Variants in ZNF782 observed in about 807,000 individuals in gnomAD.
The protein encoded by ZNF782 is zinc finger protein 782.
In ZNF782, 12 loss-of-function variants were observed where a neutral mutation model predicts 13.0. That is an observed-to-expected ratio of 0.92 (90% CI 0.59 to 1.50). The LOEUF (loss-of-function observed/expected upper bound fraction) is 1.50. Ranked by LOEUF, ZNF782 falls within the 40% of genes most tolerant of loss-of-function variation. The pLI is 0.00. For synonymous variants in ZNF782, 284 were observed against 283.0 expected, an observed-to-expected ratio of 1.00 and a Z score of -0.04; for missense variants, 770 against 822.9, an observed-to-expected ratio of 0.94 and a Z score of 0.79.
At chr9:96,859,350 G>A (rs1219656291), upstream of ZNF782, among the ~76,000 whole-genome samples, 4 of 152,060 alleles carry the variant, frequency 2.6e-5, no homozygotes, top group South Asian at 2.1e-4. Flanking sequence ...AGTGCAGCTC[G>A]CAGCTCTGAC....
chr9:96,928,718 C>T, the ZNF782 span: 1 of 423,244 alleles, frequency 2.4e-6, no homozygotes, highest in Non-Finnish European at 3.9e-6. Flanking sequence ...GAGGCGCACA[C>T]TGTCTGTGTT....
At chr9:96,930,871 GGTTTTTTTTTTTTTTT>G in the ZNF782 span, among the ~76,000 whole-genome samples, 1 of 104,404 alleles carries the variant, frequency 9.6e-6, no homozygotes, top group African/African-American at 3.7e-5. Context: ...TCCATCCAGT[GGTTTTTTTTTTTTTTT>G]TTTTTTTTTT....
the ZNF782 span, chr9:96,892,632 C>T: frequency 6.6e-6 from 1 of 152,220 alleles, no homozygotes; most frequent in Non-Finnish European, 1.5e-5. Flanking sequence ...TCTTCCTCCT[C>T]CTCCTTCTCC....
At chr9:96,933,182 G>T in the ZNF782 span, among the ~76,000 whole-genome samples, 67 of 149,848 alleles carry the variant, frequency 4.5e-4, no homozygotes, top group Non-Finnish European at 7.3e-4. Flanking sequence ...GTTTCACCAT[G>T]TTAGCCAGGA....
intron 4 of ZNF782, among the ~76,000 whole-genome samples, chr9:96,839,278 T>G (rs966978441): frequency 3.0e-5 from 3 of 100,928 alleles, no homozygotes; most frequent in Non-Finnish European, 5.0e-5. Context: ...TACTTGGGAC[T>G]TTTTTTTTTT....
In ZNF782 at chr9:96,841,359, T is replaced by C. The variant is rs74306495; in HGVS notation, c.142+3531A>G. Among the ~76,000 whole-genome samples the C allele has an allele frequency of 9.3e-3, 1,410 of 151,922 alleles. 52 individuals carry two copies. The East Asian group carries it at 0.1, about 11-fold the overall frequency. On this transcript the variant is annotated intron_variant, in intron 4 of 5. Transcript: ENST00000481138. ...CTTCTATACAACCTCTTCCAGAAAA[T>C]TGGAAGGAACACTTTCCAACTAATT...
chr9:96,820,898 T>C (rs999467109), intron 5 of ZNF782, among the ~76,000 whole-genome samples: 7 of 152,194 alleles, frequency 4.6e-5, no homozygotes, highest in African/African-American at 1.7e-4. Flanking sequence ...GTCTTTTCAG[T>C]TTGCTCACTC....
the ZNF782 span, among the ~76,000 whole-genome samples, chr9:96,905,817 C>A: frequency 2.0e-5 from 3 of 152,252 alleles, no homozygotes; most frequent in Admixed American, 6.5e-5. Context: ...AACTCCTGAC[C>A]TCATGATCCA....
the ZNF782 span, among the ~76,000 whole-genome samples, chr9:96,916,670 C>T: frequency 3.3e-5 from 5 of 152,102 alleles, no homozygotes; most frequent in East Asian, 1.9e-4. Flanking sequence ...TAGATGCCTG[C>T]GGTGTGCAGC....
chr9:96,907,802 G>A, the ZNF782 span, among the ~76,000 whole-genome samples: 7 of 151,824 alleles, frequency 4.6e-5, no homozygotes, highest in African/African-American at 9.7e-5. Context: ...CACCACACCC[G>A]GCTAATTTTT....
intron 4 of ZNF782, among the ~76,000 whole-genome samples, chr9:96,839,058 C>T (rs574516833): frequency 6.6e-6 from 1 of 152,064 alleles, no homozygotes; most frequent in Non-Finnish European, 1.5e-5. Context: ...AGAGTCCTGG[C>T]TTACCACTAG....
the ZNF782 span, chr9:96,898,274 A>G: frequency 6.7e-6 from 1 of 148,752 alleles, no homozygotes; most frequent in Non-Finnish European, 1.5e-5. Flanking sequence ...AAGGAGACCA[A>G]ACCCCGTACC....
intron 1 of ZNF782, among the ~76,000 whole-genome samples, chr9:96,870,017 A>G (rs1851805884): frequency 1.3e-5 from 2 of 152,274 alleles, no homozygotes; most frequent in African/African-American, 2.4e-5. Flanking sequence ...TAGGAGCCCA[A>G]TTTTTAAATA....
chr9:96,853,797 C>G (rs1428640666), intron 1 of ZNF782, among the ~76,000 whole-genome samples: 1 of 152,222 alleles, frequency 6.6e-6, no homozygotes, highest in Non-Finnish European at 1.5e-5. Flanking sequence ...CCAGCTCCCT[C>G]ACTGCTAGCT....
At chr9:96,832,299 C>G (rs1364397443) in intron 4 of ZNF782, among the ~76,000 whole-genome samples, 1 of 152,120 alleles carries the variant, frequency 6.6e-6, no homozygotes, top group Non-Finnish European at 1.5e-5. Flanking sequence ...ATATGATAAT[C>G]TTAACTATTT....
chr9:96,893,250 A>G, the ZNF782 span: 1 of 152,224 alleles, frequency 6.6e-6, no homozygotes, highest in East Asian at 1.9e-4. Context: ...GATGGGCAGA[A>G]AAGAATTAGA....
At chr9:96,855,622 G>C (rs150356208), upstream of ZNF782, among the ~76,000 whole-genome samples, 3,152 of 152,272 alleles carry the variant, frequency 0.021, 47 homozygotes, top group Middle Eastern at 0.051. Flanking sequence ...TATATCATCA[G>C]ATACATACCA....
chr9:96,875,411 C>A (rs1013696156), intron 1 of ZNF782: 9 of 453,584 alleles, frequency 2.0e-5, no homozygotes, highest in African/African-American at 1.8e-4. Flanking sequence ...GGCATTAACA[C>A]CCTCATTTTC....
chr9:96,896,796 A>G, the ZNF782 span, among the ~76,000 whole-genome samples: 4 of 152,198 alleles, frequency 2.6e-5, no homozygotes, highest in Non-Finnish European at 4.4e-5. Context: ...AGGAGATCCA[A>G]TGGTGCTTGA....
Sources: gnomAD v4.1 joint callset for allele counts (sites outside exome capture counted in the v4.1 genomes callset) on GRCh38, gnomAD v4.1.1 for gene constraint, MANE v1.5 for transcripts, NCBI Gene and HGNC (gene_info 2026-07-23, HGNC 2026-07-21) for gene names.